PSMG1: variants seen among roughly 807,000 people sequenced by gnomAD.
PSMG1 encodes the protein proteasome assembly chaperone 1.
A neutral mutation model predicts 37.2 loss-of-function variants in PSMG1; 23 were observed. The observed-to-expected ratio is 0.62, with a 90% CI of 0.44 to 0.88. The LOEUF is 0.88. PSMG1 is among the 40% of genes least tolerant of loss of function. The pLI is 0.00. For missense variants in PSMG1, 340 were observed against 344.2 expected, an observed-to-expected ratio of 0.99 and a Z score of 0.10; for synonymous variants, 127 against 128.0, an observed-to-expected ratio of 0.99 and a Z score of 0.05.
chr21:39,180,204 C>A, intron 3 of PSMG1, 81 bp downstream of exon 3: 1 of 1,454,050 alleles, frequency 6.9e-7, no homozygotes. Flanking sequence ...GAAAGATTTG[C>A]CATACTAAAG....
chr21:39,181,989 A>C lies in PSMG1; in HGVS notation c.135-111T>G. 4.9e-6 allele frequency: 3 copies of C among 609,312 alleles called. No individual in the cohort carries two copies. The South Asian group carries it at 8.5e-5, about 17-fold the overall frequency. 37.7% of individuals were successfully genotyped at this position (609,312 alleles called of 1,614,324 possible). ...AAATAAAATGCACGTTAGTTTTATA[A>C]AGAATATAACTAATATCCTCAGAAA... On this transcript the variant is annotated intron_variant, in intron 1 of 6. Transcript: ENST00000331573.
chr21:39,182,757 G>A (rs1223411729), intron 1 of PSMG1, among the ~76,000 whole-genome samples: 1 of 152,116 alleles, frequency 6.6e-6, no homozygotes, highest in Non-Finnish European at 1.5e-5. Flanking sequence ...TTTTTTTAAA[G>A]CGTGTTCATC....
At chr21:39,181,909 A>G (rs2030842645) in intron 1 of PSMG1, 31 bp from the exon 2 acceptor site, 4 of 1,481,290 alleles carry the variant, frequency 2.7e-6, no homozygotes, top group Non-Finnish European at 3.7e-6. Context: ...AAACTAAAGC[A>G]ACTTCAATAT....
chr21:39,177,662 AAGT>A, intron 5 of PSMG1, 91 bp from the exon 6 acceptor site: 1 of 1,048,056 alleles, frequency 9.5e-7, no homozygotes. Context: ...CTGTTGTTAA[AAGT>A]AGTTATCTCA....
intron 2 of PSMG1, among the ~76,000 whole-genome samples, chr21:39,180,841 C>T (rs2030802312): frequency 6.6e-6 from 1 of 152,178 alleles, no homozygotes; most frequent in African/African-American, 2.4e-5. Context: ...CCTGAATGTT[C>T]TCATCACAAC....
chr21:39,183,424 CG>C lies in PSMG1; in HGVS notation c.-40del. On this transcript the variant is annotated 5_prime_UTR_variant, in exon 1 of 7. Coordinates refer to ENST00000331573, the MANE Select transcript of PSMG1 (RefSeq NM_003720.4). ...CCGGCTGGACACAACTGCAGCGCCG[CG>C]GGACCGCACGCCGGCTTGCGCGAGA... The C allele has an allele frequency of 6.5e-7, 1 of 1,546,238 alleles. No individual in the cohort carries two copies.
intron 4 of PSMG1, 62 bp from the exon 5 acceptor site, chr21:39,178,709 T>A (rs1601184816): frequency 6.9e-7 from 1 of 1,445,528 alleles, no homozygotes; most frequent in South Asian, 1.2e-5. Flanking sequence ...ATGGAAACAT[T>A]CCTCTAGGTA....
At chr21:39,177,394 A>T in intron 6 of PSMG1, 41 bp downstream of exon 6, 1 of 1,507,628 alleles carries the variant, frequency 6.6e-7, no homozygotes, top group Non-Finnish European at 8.9e-7. Context: ...TAAGCTGATT[A>T]TAACAATGCA....
chr21:39,180,588 A>C, intron 2 of PSMG1, 152 bp from the exon 3 acceptor site: 1 of 684,200 alleles, frequency 1.5e-6, no homozygotes, highest in South Asian at 3.9e-5. Flanking sequence ...AGAAAAAGAA[A>C]CTGAGGCCCC....
chr21:39,178,382 T>G, intron 5 of PSMG1, 67 bp downstream of exon 5: 2 of 1,447,860 alleles, frequency 1.4e-6, no homozygotes, highest in Non-Finnish European at 1.9e-6. Context: ...AAAAGACCTC[T>G]AATGGTGAAA....
Position 39,181,012 on chromosome 21 carries a change from C to T in PSMG1, c.242-576G>A, listed in dbSNP as rs545001298. Among the ~76,000 whole-genome samples, 17 of 152,300 alleles carry T rather than the reference C, an allele frequency of 1.1e-4. 2 individuals carry two copies. In the South Asian group the frequency reaches 3.5e-3, roughly 32 times the overall value. On this transcript the variant is annotated intron_variant, in intron 2 of 6. Transcript: ENST00000331573. ...TAAACATGTTGATAATTATTACTGT[C>T]TTTAGAGTTTTGTGTTCTCAAAGGA...
chr21:39,183,068 G>A, intron 1 of PSMG1, 184 bp downstream of exon 1: 1 of 722,030 alleles, frequency 1.4e-6, no homozygotes, highest in South Asian at 2.2e-5. Flanking sequence ...ACACACCTGG[G>A]GCTGGCGCCG....
intron 6 of PSMG1, 24 bp downstream of exon 6, chr21:39,177,411 A>C (rs375880178): frequency 1.1e-5 from 17 of 1,541,724 alleles, no homozygotes; most frequent in Non-Finnish European, 1.3e-5. Flanking sequence ...TGCAGCTATT[A>C]ATTTAAATGA....
chr21:39,180,495 A>T (rs1163894838), intron 2 of PSMG1, 59 bp from the exon 3 acceptor site: 1 of 1,462,630 alleles, frequency 6.8e-7, no homozygotes, highest in East Asian at 2.4e-5. Flanking sequence ...TTTTCTATTC[A>T]ATAAAAAGTA....
Position 39,175,801 on chromosome 21 carries a change from T to C in PSMG1, c.793-137A>G, listed in dbSNP as rs572564885. ...GGGACAGGCGTGGCCTTTACTCTCC[T>C]TCTCAACGAAAAGGCAAGTGGGAAA... is the stretch of plus-strand genomic sequence containing the variant. On this transcript the variant is annotated intron_variant, in intron 6 of 6. Coordinates refer to ENST00000331573, the MANE Select transcript of PSMG1 (RefSeq NM_003720.4). 245 of 593,802 alleles carry C rather than the reference T, an allele frequency of 4.1e-4. 2 individuals carry two copies. The South Asian group carries it at 4.7e-3, about 11-fold the overall frequency. 36.8% of individuals were successfully genotyped at this position (593,802 alleles called of 1,614,324 possible).
At chr21:39,181,932 G>A in intron 1 of PSMG1, 54 bp from the exon 2 acceptor site, 2 of 1,148,446 alleles carry the variant, frequency 1.7e-6, no homozygotes, top group Non-Finnish European at 2.4e-6. Flanking sequence ...ACAGTATCAT[G>A]GCAAAAGGGC....
chr21:39,183,089 C>T, intron 1 of PSMG1, 163 bp downstream of exon 1: 1 of 891,846 alleles, frequency 1.1e-6, no homozygotes, highest in South Asian at 2.1e-5. Flanking sequence ...CTGGACGCCG[C>T]GGCTTCACGG....
At chr21:39,178,044 G>A (rs1365389333) in intron 5 of PSMG1, among the ~76,000 whole-genome samples, 1 of 152,156 alleles carries the variant, frequency 6.6e-6, no homozygotes, top group East Asian at 1.9e-4. Context: ...TTTGTCATAT[G>A]ATGGCAGATG....
At chr21:39,180,022 GT>G in intron 3 of PSMG1, 36 bp from the exon 4 acceptor site, 7 of 1,420,852 alleles carry the variant, frequency 4.9e-6, no homozygotes, top group Non-Finnish European at 6.9e-6. Context: ...TGTCAAGTAA[GT>G]TTTATACACA....
Sources: gnomAD v4.1 joint callset for allele counts (sites outside exome capture counted in the v4.1 genomes callset) on GRCh38, gnomAD v4.1.1 for gene constraint, MANE v1.5 for transcripts, NCBI Gene and HGNC (gene_info 2026-07-23, HGNC 2026-07-21) for gene names.